Variants in PTCSC3 observed in about 807,000 individuals in gnomAD.
PTCSC3 encodes the protein papillary thyroid carcinoma susceptibility candidate 3 (non-protein coding).
chr14:36,175,332 GA>G (rs1381410347), intron 1 of PTCSC3, among the ~76,000 whole-genome samples: 4 of 152,250 alleles, frequency 2.6e-5, no homozygotes, highest in Non-Finnish European at 4.4e-5. Context: ...CCTGAAATCG[GA>G]TGCTTCACAT....
At chr14:36,148,495 T>C (rs1041510473) in intron 3 of PTCSC3, among the ~76,000 whole-genome samples, 1 of 152,208 alleles carries the variant, frequency 6.6e-6, no homozygotes, top group South Asian at 2.1e-4. Context: ...GCTTCCCAAG[T>C]GATGCAATGC....
At chr14:36,142,745 G>A (rs1881453996) in intron 3 of PTCSC3, among the ~76,000 whole-genome samples, 1 of 150,756 alleles carries the variant, frequency 6.6e-6, no homozygotes, top group Admixed American at 6.6e-5. Flanking sequence ...CCATGCTGGT[G>A]CGCTGCACCC....
chr14:36,160,387 G>T (rs1477946030), intron 2 of PTCSC3, among the ~76,000 whole-genome samples: 1 of 152,110 alleles, frequency 6.6e-6, no homozygotes, highest in East Asian at 1.9e-4. Context: ...ATCATGTTTT[G>T]TACTTCCTTC....
intron 3 of PTCSC3, chr14:36,153,755 C>T (rs554209127): frequency 1.3e-5 from 2 of 152,178 alleles, no homozygotes; most frequent in African/African-American, 4.8e-5. Context: ...TATATTTGTA[C>T]ATGGAATATT....
At chr14:36,139,824 T>C (rs1881378198) in intron 3 of PTCSC3, among the ~76,000 whole-genome samples, 1 of 152,234 alleles carries the variant, frequency 6.6e-6, no homozygotes, top group Admixed American at 6.5e-5. Flanking sequence ...AAACCAATAT[T>C]GATAGATTAT....
At chr14:36,148,473 C>A (rs1881643541) in intron 3 of PTCSC3, among the ~76,000 whole-genome samples, 1 of 152,228 alleles carries the variant, frequency 6.6e-6, no homozygotes, top group African/African-American at 2.4e-5. Flanking sequence ...AGGGAACTCC[C>A]TGACCCCTTG....
chr14:36,171,857 C>A (rs1225366746), intron 1 of PTCSC3, among the ~76,000 whole-genome samples: 1 of 152,082 alleles, frequency 6.6e-6, no homozygotes, highest in East Asian at 1.9e-4. Flanking sequence ...GATGACCATA[C>A]CCAGGGAATA....
In PTCSC3 at chr14:36,174,983, A is replaced by G. The variant is rs532048031; in HGVS notation, n.171+1315T>C. ...TTGGTTCCACTTTCAACTGCATAGC[A>G]TCTGACATCTAGTAAAGCTCGGGTC... On this transcript the variant is annotated intron_variant and non_coding_transcript_variant, in intron 1 of 3. Coordinates refer to ENST00000556013, the Ensembl canonical transcript of PTCSC3. 2.4e-4 allele frequency among the ~76,000 whole-genome samples: 37 copies of G among 152,258 alleles called. No individual in the cohort carries two copies. In the South Asian group the frequency reaches 6.9e-3, roughly 28 times the overall value.
At chr14:36,158,423 G>A (rs1200487719) in intron 2 of PTCSC3, among the ~76,000 whole-genome samples, 24 of 152,210 alleles carry the variant, frequency 1.6e-4, no homozygotes, top group Admixed American at 8.5e-4. Flanking sequence ...TTTGAGATAC[G>A]TCCCATCAAT....
intron 1 of PTCSC3, among the ~76,000 whole-genome samples, chr14:36,163,758 C>T (rs941255489): frequency 6.6e-6 from 1 of 152,138 alleles, no homozygotes; most frequent in African/African-American, 2.4e-5. Flanking sequence ...GGCACGAATC[C>T]TCCTTTGTCA....
At chr14:36,168,462 T>A (rs1373280674) in intron 1 of PTCSC3, among the ~76,000 whole-genome samples, 2 of 150,224 alleles carry the variant, frequency 1.3e-5, no homozygotes, top group Non-Finnish European at 3.0e-5. Context: ...GGAGTTAGAA[T>A]CCTTCCAGCT....
At chr14:36,159,181 TAAAA>T (rs200950314) in intron 2 of PTCSC3, among the ~76,000 whole-genome samples, 2 of 146,370 alleles carry the variant, frequency 1.4e-5, no homozygotes, top group Non-Finnish European at 3.0e-5. Flanking sequence ...TGTTGATCTT[TAAAA>T]AAAAAAACAG....
intron 3 of PTCSC3, among the ~76,000 whole-genome samples, chr14:36,152,222 TA>T (rs1210580893): frequency 2.6e-5 from 4 of 151,526 alleles, no homozygotes; most frequent in Non-Finnish European, 4.4e-5. Context: ...TTTTTGAAGG[TA>T]AAAAAATGCT....
chr14:36,135,575 T>A (rs1053197097), downstream of PTCSC3, among the ~76,000 whole-genome samples: 2 of 152,210 alleles, frequency 1.3e-5, no homozygotes, highest in African/African-American at 4.8e-5. Flanking sequence ...CCTCTGCACC[T>A]GTGAACCACA....
At chr14:36,173,376 C>G (rs1024325644) in intron 1 of PTCSC3, among the ~76,000 whole-genome samples, 14 of 152,264 alleles carry the variant, frequency 9.2e-5, no homozygotes, top group Middle Eastern at 3.4e-3. Context: ...AATCATAGCC[C>G]TCTTTTGGAC....
At chr14:36,155,096 A>G (rs1181704521) in intron 2 of PTCSC3, among the ~76,000 whole-genome samples, 1 of 152,208 alleles carries the variant, frequency 6.6e-6, no homozygotes, top group Admixed American at 6.5e-5. Flanking sequence ...ACTTCTTGCA[A>G]GACAATGACT....
chr14:36,161,528 G>T (rs1305576), intron 2 of PTCSC3, among the ~76,000 whole-genome samples: 93,259 of 152,034 alleles, frequency 0.61, 29,459 homozygotes, highest in Middle Eastern at 0.69. Flanking sequence ...CCAGGCCCCT[G>T]TTGCCTGGGT....
intron 1 of PTCSC3, among the ~76,000 whole-genome samples, chr14:36,165,822 G>A (rs1206123040): frequency 6.6e-6 from 1 of 151,626 alleles, no homozygotes; most frequent in African/African-American, 2.4e-5. Flanking sequence ...GAAGCCGTGG[G>A]AGGAACTTTC....
Position 36,145,269 on chromosome 14 carries a change from G to A in PTCSC3, n.322+8535C>T, listed in dbSNP as rs369583914. 2.6e-3 allele frequency among the ~76,000 whole-genome samples: 384 copies of A among 150,396 alleles called. 2 individuals are homozygous for A. Among genetic ancestry groups the A allele is most frequent in the Middle Eastern group, 0.01 (3 of 288 alleles). On this transcript the variant is annotated intron_variant and non_coding_transcript_variant, in intron 3 of 3. Transcript: ENST00000556013. ...CCTCTTTGTACCTCTGGTAGAATTC[G>A]GCTGTGAATCCATCTGGTCCTGGAC... is the stretch of plus-strand genomic sequence containing the variant.
Sources: gnomAD v4.1 joint callset for allele counts (sites outside exome capture counted in the v4.1 genomes callset) on GRCh38, gnomAD v4.1.1 for gene constraint, MANE v1.5 for transcripts, NCBI Gene and HGNC (gene_info 2026-07-23, HGNC 2026-07-21) for gene names.